PANX2: variants seen among roughly 807,000 people sequenced by gnomAD.
PANX2 encodes pannexin 2, also known as pannexin-2.
Under a neutral mutation model 38.7 loss-of-function variants are expected in PANX2, and 30 were observed. The observed-to-expected ratio is 0.78, with a 90% CI of 0.58 to 1.05. The LOEUF (loss-of-function observed/expected upper bound fraction) is 1.05. Among genes scored for constraint, PANX2 ranks in the 50% least tolerant of loss-of-function variants. PANX2 has a pLI of 0.00. For missense variants in PANX2, 880 were observed against 979.3 expected, an observed-to-expected ratio of 0.90 and a Z score of 1.35; for synonymous variants, 539 against 472.1, an observed-to-expected ratio of 1.14 and a Z score of -1.84.
intron 1 of PANX2, among the ~76,000 whole-genome samples, chr22:50,175,720 G>C (rs1208901842): frequency 2.0e-5 from 3 of 152,206 alleles, no homozygotes; most frequent in Non-Finnish European, 4.4e-5. Context: ...GTCTGGACTG[G>C]TAGATGTGCC....
rs1168905471 is a variant in PANX2 at position 50,178,091 on chromosome 22, C to G, written c.1379C>G (p.Pro460Arg). 1.3e-6 allele frequency: 2 copies of G among 1,550,308 alleles called. No homozygotes were observed. ...GTGGAGAACAGCAAGGCGGAGAAGC[C>G]GAAGCCCGCGCGCAGGAAGACGGCC... ...MRVENSKAEKPKPARRKTATD... is the reference protein window; with the variant it reads ...MRVENSKAEKRKPARRKTATD... Residue 460 changes from proline to arginine, a missense_variant, in exon 2 of 3, where the codon CCG (proline) becomes CGG (arginine). Around this residue, in one of 4 missense-constraint regions of PANX2, gnomAD observed 445 missense variants for 404.3 expected, o/e 1.10. Transcript: ENST00000395842.
intron 1 of PANX2, among the ~76,000 whole-genome samples, chr22:50,175,066 G>A (rs1197766762): frequency 6.6e-6 from 1 of 152,226 alleles, no homozygotes; most frequent in Non-Finnish European, 1.5e-5. Context: ...GAGCAGATGA[G>A]GAAACTGAGG....
At chr22:50,171,503 CA>C (rs1275862261) in intron 1 of PANX2, among the ~76,000 whole-genome samples, 1 of 152,158 alleles carries the variant, frequency 6.6e-6, no homozygotes, top group African/African-American at 2.4e-5. Context: ...AGGTTTGAAG[CA>C]GGGGGGCTAG....
rs2063674668 is a variant in PANX2 at position 50,178,193 on chromosome 22, G to C, written c.1481G>C (p.Gly494Ala). ...GGCGGAGGGGGCGACCCGGGCCCCG[G>C]CCCCGCCCCTGCCCCCGCCCCGCCG... ...YKGGGGDPGP[G>A]PAPAPAPPPA... Residue 494 changes from glycine to alanine, a missense_variant, in exon 2 of 3, where the codon GGC becomes GCC. Around this residue, in one of 4 missense-constraint regions of PANX2, gnomAD observed 445 missense variants for 404.3 expected, o/e 1.10. Coordinates refer to ENST00000395842, the MANE Select transcript of PANX2 (RefSeq NM_052839.4). The C allele has an allele frequency of 6.8e-7, 1 of 1,465,202 alleles. No homozygotes were observed. Among genetic ancestry groups the C allele is most frequent in the South Asian group, 1.4e-5 (1 of 71,834 alleles). 90.8% of individuals were successfully genotyped at this position (1,465,202 alleles called of 1,614,324 possible).
Position 50,178,318 on chromosome 22 carries a change from C to A in PANX2, c.1606C>A (p.Leu536Met). Residue 536 changes from leucine to methionine, a missense_variant, in exon 2 of 3, where the codon CTG becomes ATG. Around this residue, in one of 4 missense-constraint regions of PANX2, gnomAD observed 445 missense variants for 404.3 expected, o/e 1.10. Transcript: ENST00000395842. ...KAKAEAVPAA[L>M]PASRSQEGGF... Reference sequence around the variant, plus strand: ...CAAGGCCGAGGCGGTGCCCGCCGCCCTGCCCGCCTCCCGGAGCCAGGAGGG... The same window carrying A: ...CAAGGCCGAGGCGGTGCCCGCCGCCATGCCCGCCTCCCGGAGCCAGGAGGG... The A allele has an allele frequency of 6.6e-7, 1 of 1,513,420 alleles. No homozygotes were observed. The highest frequency in any genetic ancestry group is 1.2e-5 in the South Asian group (1 of 80,250). 93.7% of individuals were successfully genotyped at this position (1,513,420 alleles called of 1,614,324 possible). A position where few individuals can be genotyped will look rare whatever the true frequency, so the allele number is the denominator to read the frequency against.
chr22:50,178,206 C>G lies in PANX2; in HGVS notation c.1494C>G (p.Ala498=). Residue 498 remains alanine (A), a synonymous_variant, in exon 2 of 3, where the codon GCC becomes GCG. Transcript: ENST00000395842. The part of the protein sequence containing the change: ...GGDPGPGPAP[A]PAPPPAPDKK... ...ACCCGGGCCCCGGCCCCGCCCCTGC[C>G]CCCGCCCCGCCGCCCGCCCCTGACA... 6.9e-7 allele frequency: 1 copy of G among 1,457,882 alleles called. No individual in the cohort carries two copies. The highest frequency in any genetic ancestry group is 2.6e-5 in the East Asian group (1 of 38,276). 90.3% of individuals were successfully genotyped at this position (1,457,882 alleles called of 1,614,324 possible). A position where few individuals can be genotyped will look rare whatever the true frequency, so the allele number is the denominator to read the frequency against.
intron 1 of PANX2, among the ~76,000 whole-genome samples, chr22:50,176,081 C>G (rs1027423368): frequency 1.3e-5 from 2 of 152,162 alleles, no homozygotes; most frequent in Non-Finnish European, 2.9e-5. Context: ...AGAGACTGCA[C>G]GGTGGCTGGA....
chr22:50,178,824 G>A, intron 2 of PANX2, 110 bp from the exon 3 acceptor site: 2 of 926,202 alleles, frequency 2.2e-6, no homozygotes, highest in Non-Finnish European at 3.2e-6. Context: ...GCGTCTCCAG[G>A]GCGCTTCAGA....
Position 50,177,028 on chromosome 22 carries a change from G to A in PANX2, c.316G>A (p.Ala106Thr). The change falls in exon 2 of 3, where the codon GCG (alanine) becomes ACG (threonine). Residue 106 changes from alanine to threonine, a missense_variant. By Grantham distance (58) the Ala-to-Thr change is moderately conservative (BLOSUM62 0). Coordinates refer to ENST00000395842, the MANE Select transcript of PANX2 (RefSeq NM_052839.4). ...CTACTGCTGGACGGAGCTGCGGGACGCGCTGCCCGGCGTGGACGCCAGCCT... is the reference window on the plus strand; with the variant it reads ...CTACTGCTGGACGGAGCTGCGGGACACGCTGCCCGGCGTGGACGCCAGCCT... The part of the protein sequence containing the change: ...RGYCWTELRD[A>T]LPGVDASLWP... 1.9e-6 allele frequency: 3 copies of A among 1,605,578 alleles called. No homozygotes were observed. Among genetic ancestry groups the A allele is most frequent in the Admixed American group, 1.7e-5 (1 of 59,486 alleles).
intron 1 of PANX2, among the ~76,000 whole-genome samples, chr22:50,172,126 G>A (rs1450250148): frequency 2.6e-5 from 4 of 152,244 alleles, no homozygotes; most frequent in East Asian, 1.9e-4. Flanking sequence ...CCAGGCGTGC[G>A]GTGGGGCCTT....
rs1172592982 is a variant in PANX2 at position 50,178,380 on chromosome 22, C to T, written c.1668C>T (p.Gly556=). 1 of 1,438,372 alleles carries T rather than the reference C, an allele frequency of 7.0e-7. No homozygotes were observed. The allele number at this position is 1,438,372 out of a possible 1,614,324, so 89.1% of individuals were successfully genotyped here. Residue 556 remains glycine, a synonymous_variant, in exon 2 of 3, where the codon GGC becomes GGT. Transcript: ENST00000395842. ...CCCAGGCGGAGGACTGTGGGCTAGG[C>T]CTGGCCCCGGCGCCCATCAAAGGTA... The part of the protein sequence containing the change: ...FLSQAEDCGL[G]LAPAPIKDAP...
At chr22:50,171,778 C>T (rs116034536) in intron 1 of PANX2, among the ~76,000 whole-genome samples, 5,037 of 152,256 alleles carry the variant, frequency 0.033, 285 homozygotes, top group African/African-American at 0.11. Context: ...TGGGCCAAGG[C>T]AAGGGGGATC....
Position 50,178,247 on chromosome 22 carries a change from A to G in PANX2, c.1535A>G (p.His512Arg). Reference protein sequence around the residue: ...PPAPDKKHARHFSLDVHPYIL... With the variant: ...PPAPDKKHARRFSLDVHPYIL... ...GCCCCTGACAAGAAGCACGCGCGCC[A>G]CTTCTCCCTGGACGTGCACCCCTAC... Residue 512 changes from histidine (H) to arginine (R), a missense_variant, in exon 2 of 3, where the codon CAC (histidine) becomes CGC (arginine). This residue lies in a region of PANX2 where 445 missense variants were observed against 404.3 expected (regional missense o/e 1.10). Transcript: ENST00000395842. 3 of 1,260,320 alleles carry G rather than the reference A, an allele frequency of 2.4e-6. No individual in the cohort carries two copies. Among genetic ancestry groups the G allele is most frequent in the Non-Finnish European group, 3.1e-6 (3 of 969,226 alleles). 78.1% of individuals were successfully genotyped at this position (1,260,320 alleles called of 1,614,324 possible).
Position 50,177,601 on chromosome 22 carries a change from C to T in PANX2, c.889C>T (p.Leu297=). ...QRIIAGVDIV[L]LCVMNLIILV... is the part of the protein sequence containing the mutation. ...CATCATCGCGGGCGTGGACATCGTG[C>T]TGCTGTGCGTCATGAACCTCATCAT... Residue 297 remains leucine (L), a synonymous_variant, in exon 2 of 3, where the codon CTG becomes TTG. Transcript: ENST00000395842. 1 of 1,612,930 alleles carries T rather than the reference C, an allele frequency of 6.2e-7. No homozygotes were observed. The highest frequency in any genetic ancestry group is 8.5e-7 in the Non-Finnish European group (1 of 1,179,984).
chr22:50,178,436 CTG>C (rs2063678384), intron 2 of PANX2, 34 bp downstream of exon 2: 2 of 1,278,504 alleles, frequency 1.6e-6, no homozygotes, highest in Non-Finnish European at 1.0e-6. Flanking sequence ...GGACGGGGGA[CTG>C]GGGGTGGGAG....
chr22:50,178,209 CGCCCCGCCGCCCGCCCCT>C lies in PANX2; in HGVS notation c.1499_1516del (p.Ala500_Pro505del). On this transcript the variant is annotated inframe_deletion, in exon 2 of 3. Transcript: ENST00000395842. ...CGGGCCCCGGCCCCGCCCCTGCCCCCGCCCCGCCGCCCGCCCCTGACAAGAAGCACGCGCGCCACTTCT... is the reference window on the plus strand; with the variant it reads ...CGGGCCCCGGCCCCGCCCCTGCCCCCGACAAGAAGCACGCGCGCCACTTCT... The C allele has an allele frequency of 6.8e-7, 1 of 1,462,846 alleles. No homozygotes were observed. The allele number at this position is 1,462,846 out of a possible 1,614,324, so 90.6% of individuals were successfully genotyped here. A position where few individuals can be genotyped will look rare whatever the true frequency, so the allele number is the denominator to read the frequency against.
In PANX2 at chr22:50,179,412, C is replaced by T. The variant is rs771859829; in HGVS notation, c.*135C>T. The T allele has an allele frequency of 1.8e-5, 14 of 792,820 alleles. No individual in the cohort carries two copies. Among genetic ancestry groups the T allele is most frequent in the African/African-American group, 5.2e-5 (3 of 57,356 alleles). The allele number at this position is 792,820 out of a possible 1,614,324, so 49.1% of individuals were successfully genotyped here. The stretch of plus-strand genomic sequence containing the variant: ...ACTGCGCGCATCCCCAACCTCTGTC[C>T]GCATGCCTGGGGCCTTCGCCCCCAC... On this transcript the variant is annotated 3_prime_UTR_variant, in exon 3 of 3. Transcript: ENST00000395842.
At position 50,173,177 on chromosome 22, in the gene PANX2, T is replaced by A. The variant is rs865776883; in HGVS notation, c.226+2221T>A. 7.4e-3 allele frequency among the ~76,000 whole-genome samples: 1,101 copies of A among 149,406 alleles called. 13 individuals are homozygous for A. Among genetic ancestry groups the A allele is most frequent in the African/African-American group, 0.026 (1,039 of 39,576 alleles). The stretch of plus-strand genomic sequence containing the variant: ...TCCCAAAGTGCTGGGATTACAGGCG[T>A]TGAGCCACCGTGCCTGACCCATTTT... On this transcript the variant is annotated intron_variant, in intron 1 of 2. Coordinates refer to ENST00000395842, the MANE Select transcript of PANX2 (RefSeq NM_052839.4).
Position 50,176,958 on chromosome 22 carries a change from C to A in PANX2, c.246C>A (p.Tyr82Ter). ...CCCCAGAGGAACCCATTTACTGTTA[C>A]ACCCCGCACAACTTCACGCGCGACC... ...KNFAEEPIYC[Y>*]TPHNFTRDQA... Residue 82 changes from tyrosine (Y) to a stop codon, truncating the protein, a stop_gained, in exon 2 of 3, where the codon TAC becomes TAA. Transcript: ENST00000395842. LOFTEE classifies it high-confidence loss of function. The A allele has an allele frequency of 6.5e-7, 1 of 1,548,528 alleles. No individual in the cohort carries two copies. The highest frequency in any genetic ancestry group is 8.7e-7 in the Non-Finnish European group (1 of 1,155,462).
Sources: gnomAD v4.1 joint callset for allele counts (sites outside exome capture counted in the v4.1 genomes callset) on GRCh38, gnomAD v4.1.1 for gene constraint, gnomAD v4.1.1 regional missense constraint, MANE v1.5 for transcripts, NCBI Gene and HGNC (gene_info 2026-07-23, HGNC 2026-07-21) for gene names.